GSTM5: variants seen among roughly 807,000 people sequenced by gnomAD.
GSTM5 encodes the protein glutathione S-transferase mu 5.
A neutral mutation model predicts 29.0 loss-of-function variants in GSTM5; 24 were observed. The ratio of observed to expected loss-of-function variants is 0.83; its 90% CI spans 0.60 to 1.16. The LOEUF (loss-of-function observed/expected upper bound fraction) is 1.16, where lower values mean the gene tolerates loss of function less well. Among genes scored for constraint, GSTM5 ranks in the 50% most tolerant of loss-of-function variants. The probability of loss-of-function intolerance (pLI) is 0.00; values close to 1 mark genes in which losing one functional copy is unlikely to be tolerated. For missense variants in GSTM5, 290 were observed against 263.0 expected, an observed-to-expected ratio of 1.10 and a Z score of -0.71; for synonymous variants, 91 against 93.6, an observed-to-expected ratio of 0.97 and a Z score of 0.16.
chr1:109,713,379 C>T (rs1017260512), intron 3 of GSTM5, 105 bp from the exon 4 acceptor site: 6 of 1,511,338 alleles, frequency 4.0e-6, no homozygotes, highest in Non-Finnish European at 5.5e-6. Flanking sequence ...TATCTCAGGC[C>T]TGCCATGAGC....
In GSTM5 at chr1:109,713,691, T is replaced by C. The variant is rs151047871; in HGVS notation, c.290T>C (p.Val97Ala). ...CGETEEEKIR[V>A]DILENQVMDN... ...GAGACAGAAGAGGAGAAGATTCGTG[T>C]GGACATTTTGGAGAACCAGGTTATG... Residue 97 changes from valine to alanine, a missense_variant, in exon 5 of 8, where the codon GTG (valine) becomes GCG (alanine). Physicochemically the swap from Val to Ala is moderately conservative, Grantham distance 64. Coordinates refer to ENST00000256593, the MANE Select transcript of GSTM5 (RefSeq NM_000851.4). 35 of 1,613,896 alleles carry C rather than the reference T, an allele frequency of 2.2e-5. No individual in the cohort carries two copies. In the African/African-American group the frequency reaches 3.3e-4, roughly 15 times the overall value.
intron 7 of GSTM5, chr1:109,715,604 T>C: frequency 9.4e-7 from 1 of 1,063,552 alleles, no homozygotes; most frequent in Non-Finnish European, 1.3e-6. Context: ...TCAGGCCTCA[T>C]CCAGCCTGGG....
chr1:109,714,681 G>A (rs755379223), intron 5 of GSTM5: 2 of 519,192 alleles, frequency 3.9e-6, no homozygotes, highest in African/African-American at 1.9e-5. Context: ...GCGCTCATGC[G>A]GCTGACCCAG....
chr1:109,713,885 G>A (rs886177), intron 5 of GSTM5, 124 bp downstream of exon 5: 31,167 of 479,434 alleles, frequency 0.065, 1,226 homozygotes, highest in Middle Eastern at 0.12. Flanking sequence ...CTATAACCTG[G>A]TTCTCCAAAA....
intron 3 of GSTM5, 136 bp from the exon 4 acceptor site, chr1:109,713,348 T>G: frequency 7.2e-7 from 1 of 1,396,230 alleles, no homozygotes; most frequent in South Asian, 1.2e-5. Flanking sequence ...CCCAGCTCAT[T>G]TATTAGTGTG....
Position 109,712,523 on chromosome 1 carries a change from C to T in GSTM5, c.37-95C>T. On this transcript the variant is annotated intron_variant, in intron 1 of 7. Coordinates refer to ENST00000256593, the MANE Select transcript of GSTM5 (RefSeq NM_000851.4). ...GGGCGGGTAGAGGAGGCGACGGGTACGTGCAGTATAGACTAGGGGCTGGCC... is the reference window on the plus strand; with the variant it reads ...GGGCGGGTAGAGGAGGCGACGGGTATGTGCAGTATAGACTAGGGGCTGGCC... 2.1e-6 allele frequency: 3 copies of T among 1,443,634 alleles called. No homozygotes were observed. The South Asian group carries it at 3.4e-5, about 16-fold the overall frequency. The allele number at this position is 1,443,634 out of a possible 1,614,324, so 89.4% of individuals were successfully genotyped here. A position where few individuals can be genotyped will look rare whatever the true frequency, so the allele number is the denominator to read the frequency against.
At chr1:109,713,610 C>T (rs1282368551) in intron 4 of GSTM5, 45 bp downstream of exon 4, 19 of 1,614,180 alleles carry the variant, frequency 1.2e-5, no homozygotes, top group Non-Finnish European at 8.5e-7. Context: ...GTGACCTCCT[C>T]CTTGGCTGGG....
At chr1:109,712,946 G>A in intron 2 of GSTM5, 173 bp from the exon 3 acceptor site, 4 of 913,894 alleles carry the variant, frequency 4.4e-6, no homozygotes, top group Non-Finnish European at 7.0e-6. Context: ...AGCCGTTGTG[G>A]GGTCCAGAGC....
intron 7 of GSTM5, 162 bp from the exon 8 acceptor site, chr1:109,717,175 A>G: frequency 1.8e-6 from 1 of 570,092 alleles, no homozygotes; most frequent in Non-Finnish European, 3.2e-6. Context: ...TGGAAGAGTT[A>G]ACTTAGAAGA....
chr1:109,716,740 G>A (rs3768487), intron 7 of GSTM5: 45,256 of 152,986 alleles, frequency 0.3, 8,185 homozygotes, highest in East Asian at 0.7. Context: ...CTTCTTGGCT[G>A]CACAGGTGTG....
chr1:109,715,099 T>G (rs750742789), intron 6 of GSTM5, 31 bp from the exon 7 acceptor site: 2 of 1,614,168 alleles, frequency 1.2e-6, no homozygotes, highest in Middle Eastern at 1.6e-4. Context: ...GTTTCGGGGT[T>G]TTCAGCCCAC....
At chr1:109,715,613 G>T in intron 7 of GSTM5, 1 of 955,392 alleles carries the variant, frequency 1.0e-6, no homozygotes, top group Non-Finnish European at 1.5e-6. Context: ...ATCCAGCCTG[G>T]GTTTCACAGC....
intron 5 of GSTM5, chr1:109,714,633 C>T (rs902637299): frequency 3.7e-5 from 15 of 406,146 alleles, no homozygotes; most frequent in African/African-American, 3.0e-4. Context: ...ATCCTTGATT[C>T]TGCCCCTGTC....
intron 7 of GSTM5, chr1:109,715,749 G>A: frequency 2.4e-6 from 1 of 411,698 alleles, no homozygotes; most frequent in Non-Finnish European, 4.4e-6. Context: ...GCCACCCCCA[G>A]AAGCTTTGCA....
At chr1:109,715,598 G>T (rs1648718007) in intron 7 of GSTM5, 1 of 1,081,106 alleles carries the variant, frequency 9.2e-7, no homozygotes, top group African/African-American at 1.6e-5. Context: ...GAAGCCTCAG[G>T]CCTCATCCAG....
In GSTM5 at chr1:109,712,648, TAC is replaced by T; in HGVS notation, c.71_72del (p.Thr24ArgfsTer16). On this transcript the variant is annotated frameshift_variant, in exon 2 of 8. Transcript: ENST00000256593. LOFTEE classifies it high-confidence loss of function. ...CCACGCCATCCGCTTGCTCCTGGAATACACAGACTCAAGCTATGTGGAAAAGA... is the reference window on the plus strand; with the variant it reads ...CCACGCCATCCGCTTGCTCCTGGAATACAGACTCAAGCTATGTGGAAAAGA... ...LAHAIRLLLE[Y>X]TDSSYVEKKY... 1 of 1,614,150 alleles carries T rather than the reference TAC, an allele frequency of 6.2e-7. No homozygotes were observed.
At chr1:109,713,379 C>G (rs1017260512) in intron 3 of GSTM5, 105 bp from the exon 4 acceptor site, 3 of 1,511,456 alleles carry the variant, frequency 2.0e-6, no homozygotes, top group Non-Finnish European at 2.8e-6. Flanking sequence ...TATCTCAGGC[C>G]TGCCATGAGC....
intron 7 of GSTM5, chr1:109,716,497 T>A (rs559356142): frequency 6.5e-6 from 1 of 153,578 alleles, no homozygotes; most frequent in East Asian, 1.9e-4. Context: ...CTGGTAAGAT[T>A]GTGTGCAGCA....
Position 109,712,347 on chromosome 1 carries a change from G to C in GSTM5, c.35G>C (p.Gly12Ala). The C allele has an allele frequency of 6.2e-7, 1 of 1,614,072 alleles. No homozygotes were observed. The highest frequency in any genetic ancestry group is 8.5e-7 in the Non-Finnish European group (1 of 1,179,934). ...ACTCTGGGGTACTGGGACATCCGTG[G>C]GGTAAGCGAGGGTCCTCTGGTGGGT... ...PMTLGYWDIR[G>A]LAHAIRLLLE... Residue 12 changes from glycine to alanine, a missense_variant and splice_region_variant, in exon 1 of 8, where the codon GGG becomes GCG. Coordinates refer to ENST00000256593, the MANE Select transcript of GSTM5 (RefSeq NM_000851.4).
Sources: allele counts gnomAD v4.1 joint callset, GRCh38; gene constraint gnomAD v4.1.1; transcripts MANE v1.5; gene names NCBI Gene and HGNC (gene_info 2026-07-23, HGNC 2026-07-21).